The following USP33 variants were observed in gnomAD, a reference collection of about 807,000 sequenced individuals.
USP33 encodes the protein ubiquitin carboxyl-terminal hydrolase 33.
Under a neutral mutation model 124.2 loss-of-function variants are expected in USP33, and 46 were observed. That is an observed-to-expected ratio of 0.37 (90% CI 0.29 to 0.47). The LOEUF (loss-of-function observed/expected upper bound fraction) is 0.47. USP33 is among the 20% of genes least tolerant of loss of function. USP33 has a pLI of 0.99. For synonymous variants in USP33, 350 were observed against 352.3 expected, an observed-to-expected ratio of 0.99 and a Z score of 0.07; for missense variants, 851 against 1,070.6, an observed-to-expected ratio of 0.79 and a Z score of 2.86.
chr1:77,697,554 A>G, intron 23 of USP33, 80 bp from the exon 24 acceptor site: 1 of 1,461,838 alleles, frequency 6.8e-7, no homozygotes, highest in Non-Finnish European at 9.2e-7. Context: ...ACCCCCCAGC[A>G]TGAATCTTCT....
intron 10 of USP33, among the ~76,000 whole-genome samples, chr1:77,727,127 G>C (rs1677256818): frequency 1.3e-5 from 2 of 152,192 alleles, no homozygotes; most frequent in East Asian, 3.8e-4. Flanking sequence ...TTTCTGAAGG[G>C]AATAAAGTTA....
intron 1 of USP33, among the ~76,000 whole-genome samples, chr1:77,742,107 T>A (rs1026679697): frequency 6.6e-6 from 1 of 152,126 alleles, no homozygotes; most frequent in East Asian, 1.9e-4. Flanking sequence ...TGAAGCACTT[T>A]TATCCTTTTA....
At chr1:77,715,548 C>T (rs1388989999) in intron 18 of USP33, among the ~76,000 whole-genome samples, 194 bp downstream of exon 18, 1 of 152,228 alleles carries the variant, frequency 6.6e-6, no homozygotes, top group African/African-American at 2.4e-5. Flanking sequence ...CTTTGCTCTT[C>T]AAGTAAATGA....
chr1:77,731,631 C>T (rs1000110592), intron 7 of USP33, among the ~76,000 whole-genome samples: 1 of 151,830 alleles, frequency 6.6e-6, no homozygotes, highest in Admixed American at 6.6e-5. Context: ...CCCACCTTAG[C>T]CTCCCAAAGT....
intron 22 of USP33, 134 bp from the exon 23 acceptor site, chr1:77,698,065 A>G (rs1259499180): frequency 1.6e-6 from 1 of 628,442 alleles, no homozygotes; most frequent in African/African-American, 1.9e-5. Context: ...ATTATAGTTA[A>G]TTCTTTTTTT....
chr1:77,697,626 C>G (rs1029315067), intron 23 of USP33, 152 bp from the exon 24 acceptor site: 1 of 1,003,896 alleles, frequency 1.0e-6, no homozygotes, highest in East Asian at 2.6e-5. Flanking sequence ...TTGTTATAAG[C>G]TGAAACATAT....
intron 22 of USP33, among the ~76,000 whole-genome samples, chr1:77,699,856 G>A (rs1044182407): frequency 1.3e-5 from 2 of 152,290 alleles, no homozygotes; most frequent in East Asian, 3.9e-4. Context: ...GGAATACTAC[G>A]CAGCCATAAA....
chr1:77,701,339 C>A, intron 22 of USP33, 30 bp downstream of exon 22: 1 of 1,505,866 alleles, frequency 6.6e-7, no homozygotes, highest in Non-Finnish European at 9.1e-7. Context: ...AATAATTTAC[C>A]AAAAAAAAAT....
chr1:77,719,923 A>G (rs533645322), intron 15 of USP33, among the ~76,000 whole-genome samples: 1 of 151,394 alleles, frequency 6.6e-6, no homozygotes, highest in East Asian at 1.9e-4. Flanking sequence ...GCATTTTGGG[A>G]GGCCAATGTT....
chr1:77,748,779 TC>T (rs1553201472), intron 1 of USP33, among the ~76,000 whole-genome samples: 12,595 of 47,684 alleles, frequency 0.26, 603 homozygotes, highest in South Asian at 0.39. Context: ...ATTCCTTCCC[TC>T]CCCCCCCCCC....
intron 20 of USP33, 96 bp from the exon 21 acceptor site, chr1:77,711,951 A>G (rs1289087215): frequency 1.2e-5 from 14 of 1,202,012 alleles, no homozygotes; most frequent in Admixed American, 3.0e-5. Flanking sequence ...AATCCTCTTA[A>G]TAAAATTCTC....
At chr1:77,717,637 C>A (rs1676075606) in intron 17 of USP33, 1 of 288,114 alleles carries the variant, frequency 3.5e-6, no homozygotes, top group African/African-American at 2.2e-5. Context: ...AACATTTTTT[C>A]TTTTATTCAG....
chr1:77,756,450 A>G (rs1680810304), intron 1 of USP33, among the ~76,000 whole-genome samples: 1 of 152,160 alleles, frequency 6.6e-6, no homozygotes, highest in African/African-American at 2.4e-5. Context: ...TGGTATGCAC[A>G]GTTAACACAC....
At chr1:77,709,459 G>A (rs1001294929) in intron 21 of USP33, among the ~76,000 whole-genome samples, 1 of 151,906 alleles carries the variant, frequency 6.6e-6, no homozygotes, top group Non-Finnish European at 1.5e-5. Flanking sequence ...AGGTTACAGT[G>A]AACTATGACC....
At chr1:77,710,198 G>A (rs1488327520) in intron 21 of USP33, among the ~76,000 whole-genome samples, 2 of 152,048 alleles carry the variant, frequency 1.3e-5, no homozygotes, top group Non-Finnish European at 2.9e-5. Flanking sequence ...CCCTTGACTG[G>A]GCTCATGCCA....
chr1:77,715,491 C>A (rs1246352067), intron 18 of USP33, among the ~76,000 whole-genome samples: 1 of 152,244 alleles, frequency 6.6e-6, no homozygotes, highest in East Asian at 1.9e-4. Flanking sequence ...AGGCCTGAGC[C>A]ACTGTGCCCG....
chr1:77,697,254 G>A lies in USP33; in HGVS notation c.*63C>T, dbSNP rs1243499199. On this transcript the variant is annotated 3_prime_UTR_variant, in exon 24 of 24. Coordinates refer to ENST00000370794, the MANE Select transcript of USP33 (RefSeq NM_201624.3). ...TAAACACGCTTTTAGGAATGTTTTC[G>A]CATGTGTACATGTCAGGGCACATGA... 4.9e-5 allele frequency: 66 copies of A among 1,349,506 alleles called. No individual in the cohort carries two copies. Among genetic ancestry groups the A allele is most frequent in the South Asian group, 5.6e-5 (3 of 54,026 alleles). The allele number at this position is 1,349,506 out of a possible 1,614,324, so 83.6% of individuals were successfully genotyped here.
intron 21 of USP33, among the ~76,000 whole-genome samples, chr1:77,704,640 T>C (rs528233800): frequency 6.6e-6 from 1 of 152,334 alleles, no homozygotes; most frequent in South Asian, 2.1e-4. Flanking sequence ...ATCCTATAGC[T>C]ATCCAACATG....
chr1:77,757,463 G>C (rs536875041), intron 1 of USP33, among the ~76,000 whole-genome samples: 72 of 152,290 alleles, frequency 4.7e-4, no homozygotes, highest in African/African-American at 1.3e-3. Flanking sequence ...TTTATAGATA[G>C]TTAAAAGCAA....
Sources: gnomAD v4.1 joint callset for allele counts (sites outside exome capture counted in the v4.1 genomes callset) on GRCh38, gnomAD v4.1.1 for gene constraint, MANE v1.5 for transcripts, NCBI Gene and HGNC (gene_info 2026-07-23, HGNC 2026-07-21) for gene names.